The following SNTG1 variants were observed in gnomAD, a reference collection of about 807,000 sequenced individuals.
SNTG1 encodes the protein syntrophin gamma 1, also known as gamma-1-syntrophin.
In SNTG1, 39 loss-of-function variants were observed where a neutral mutation model predicts 74.7. That is an observed-to-expected ratio of 0.52 (90% CI 0.40 to 0.68). The LOEUF (loss-of-function observed/expected upper bound fraction) is 0.68, where lower values mean the gene tolerates loss of function less well. Ranked by LOEUF, SNTG1 falls within the 30% of genes least tolerant of loss-of-function variation. The pLI is 0.00. For synonymous variants in SNTG1, 254 were observed against 217.1 expected, an observed-to-expected ratio of 1.17 and a Z score of -1.49; for missense variants, 685 against 609.5, an observed-to-expected ratio of 1.12 and a Z score of -1.30.
intron 9 of SNTG1, among the ~76,000 whole-genome samples, chr8:50,527,419 T>C (rs1296516104): frequency 6.6e-6 from 1 of 152,100 alleles, no homozygotes. Flanking sequence ...TATTTTCCTC[T>C]AGAGGCCTGT....
chr8:50,138,600 G>A (rs2081555639), intron 1 of SNTG1, among the ~76,000 whole-genome samples: 2 of 150,144 alleles, frequency 1.3e-5, no homozygotes, highest in South Asian at 4.2e-4. Context: ...ACTCCAGCCT[G>A]GGCAACAAGA....
intron 1 of SNTG1, among the ~76,000 whole-genome samples, chr8:50,093,030 A>C (rs564381893): frequency 2.8e-4 from 43 of 152,250 alleles, no homozygotes; most frequent in African/African-American, 1.0e-3. Context: ...AATAATATTA[A>C]CACCCATCTG....
intron 1 of SNTG1, among the ~76,000 whole-genome samples, chr8:50,142,613 A>G (rs1325170816): frequency 1.3e-5 from 2 of 152,100 alleles, no homozygotes; most frequent in Non-Finnish European, 2.9e-5. Flanking sequence ...ATTCAGGAAG[A>G]GATAAGGTTT....
intron 12 of SNTG1, among the ~76,000 whole-genome samples, chr8:50,577,751 A>G (rs1198149739): frequency 6.6e-6 from 1 of 152,204 alleles, no homozygotes; most frequent in Non-Finnish European, 1.5e-5. Context: ...GATTTCCATT[A>G]TTGTTGCACT....
intron 1 of SNTG1, among the ~76,000 whole-genome samples, chr8:49,928,184 A>T (rs1032673764): frequency 1.7e-5 from 2 of 119,986 alleles, no homozygotes; most frequent in Non-Finnish European, 3.7e-5. Context: ...AATAAATAAA[A>T]ATAAAAAAGA....
At chr8:50,529,814 A>G (rs532339448) in intron 9 of SNTG1, among the ~76,000 whole-genome samples, 1 of 152,084 alleles carries the variant, frequency 6.6e-6, no homozygotes, top group Non-Finnish European at 1.5e-5. Context: ...GAAATATGAC[A>G]TTAAATAGAA....
intron 17 of SNTG1, among the ~76,000 whole-genome samples, chr8:50,710,273 TG>T (rs2095457917): frequency 6.6e-6 from 1 of 152,224 alleles, no homozygotes; most frequent in Non-Finnish European, 1.5e-5. Context: ...GAATTTTAAA[TG>T]CCAATGACTC....
intron 1 of SNTG1, among the ~76,000 whole-genome samples, chr8:49,954,346 TA>T (rs1317755093): frequency 6.6e-6 from 1 of 152,170 alleles, no homozygotes; most frequent in Non-Finnish European, 1.5e-5. Context: ...GTATCAAACA[TA>T]AAAGTCACCA....
chr8:50,351,059 T>C (rs1173139677), intron 2 of SNTG1, among the ~76,000 whole-genome samples: 1 of 152,230 alleles, frequency 6.6e-6, no homozygotes, highest in Non-Finnish European at 1.5e-5. Flanking sequence ...TGCAGCTTCA[T>C]TCTTGAAGTC....
At chr8:50,247,681 GT>G (rs56854485) in intron 2 of SNTG1, among the ~76,000 whole-genome samples, 4 of 148,692 alleles carry the variant, frequency 2.7e-5, no homozygotes, top group African/African-American at 7.4e-5. Flanking sequence ...AAAGTTTTTA[GT>G]TTTTTTTTTT....
At chr8:50,332,031 A>T (rs1426686966) in intron 2 of SNTG1, among the ~76,000 whole-genome samples, 2 of 152,240 alleles carry the variant, frequency 1.3e-5, no homozygotes, top group African/African-American at 4.8e-5. Context: ...TAGAATTCTG[A>T]GGCCATGCTG....
chr8:50,401,458 A>G (rs2092804623), intron 3 of SNTG1, among the ~76,000 whole-genome samples: 2 of 152,252 alleles, frequency 1.3e-5, no homozygotes, highest in African/African-American at 2.4e-5. Context: ...TACCCAAAGT[A>G]TATAAAGCAA....
chr8:50,689,227 T>C (rs2095366648), intron 15 of SNTG1, among the ~76,000 whole-genome samples: 1 of 152,154 alleles, frequency 6.6e-6, no homozygotes, highest in South Asian at 2.1e-4. Context: ...CTTTTCCTAA[T>C]TGAATAGCCT....
chr8:50,206,673 TG>T (rs2084256247), intron 2 of SNTG1, among the ~76,000 whole-genome samples: 1 of 152,232 alleles, frequency 6.6e-6, no homozygotes, highest in Non-Finnish European at 1.5e-5. Context: ...TTCCAGTTTT[TG>T]CCCATTCAGT....
intron 1 of SNTG1, among the ~76,000 whole-genome samples, chr8:49,946,559 G>A (rs1445044750): frequency 2.6e-5 from 4 of 152,092 alleles, no homozygotes; most frequent in Non-Finnish European, 4.4e-5. Flanking sequence ...AAAAGGAAGT[G>A]ATTTCAGAAT....
At chr8:50,734,580 G>T (rs1300969220) in intron 17 of SNTG1, among the ~76,000 whole-genome samples, 1 of 149,578 alleles carries the variant, frequency 6.7e-6, no homozygotes, top group Non-Finnish European at 1.5e-5. Context: ...GAACTATGTT[G>T]TTTCCAGAAT....
chr8:50,674,679 A>G (rs1235445292), intron 15 of SNTG1, among the ~76,000 whole-genome samples: 1 of 151,768 alleles, frequency 6.6e-6, no homozygotes, highest in Non-Finnish European at 1.5e-5. Flanking sequence ...TTCTGCTCTG[A>G]CCTGAGTTAT....
At chr8:50,422,532 C>T (rs1462730559) in intron 4 of SNTG1, among the ~76,000 whole-genome samples, 1 of 152,010 alleles carries the variant, frequency 6.6e-6, no homozygotes, top group Non-Finnish European at 1.5e-5. Context: ...GACATGAGTC[C>T]AGCCACTCCA....
Position 50,502,058 on chromosome 8 carries a change from T to C in SNTG1, c.364-720T>C, listed in dbSNP as rs1003294864. ...TTTTTGGATATGATTCTTGGAGAAA[T>C]TGAAATTATTTTAACTGGAAGAACT... On this transcript the variant is annotated intron_variant, in intron 8 of 18. Coordinates refer to ENST00000642720, the MANE Select transcript of SNTG1 (RefSeq NM_018967.5). Among the ~76,000 whole-genome samples, 6 of 152,146 alleles carry C rather than the reference T, an allele frequency of 3.9e-5. No individual in the cohort carries two copies. In the East Asian group the frequency reaches 1.2e-3, roughly 29 times the overall value.
Sources: gnomAD v4.1 joint callset for allele counts (sites outside exome capture counted in the v4.1 genomes callset) on GRCh38, gnomAD v4.1.1 for gene constraint, MANE v1.5 for transcripts, NCBI Gene and HGNC (gene_info 2026-07-23, HGNC 2026-07-21) for gene names.